Variants in KDM4D observed in about 807,000 individuals in gnomAD.
KDM4D encodes the protein lysine demethylase 4D, also known as lysine-specific demethylase 4D.
For synonymous variants in KDM4D, 254 were observed against 249.1 expected, an observed-to-expected ratio of 1.02 and a Z score of -0.19; for missense variants, 427 against 674.8, an observed-to-expected ratio of 0.63 and a Z score of 4.07.
chr11:94,975,243 G>C (rs782265281), intron 1 of KDM4D, among the ~76,000 whole-genome samples: 16 of 151,720 alleles, frequency 1.1e-4, no homozygotes, highest in Non-Finnish European at 2.2e-4. Flanking sequence ...TCCAACACTT[G>C]TGTTTGTACA....
chr11:94,993,221 T>G (rs1490948823), intron 2 of KDM4D, among the ~76,000 whole-genome samples: 1 of 152,194 alleles, frequency 6.6e-6, no homozygotes, highest in Non-Finnish European at 1.5e-5. Flanking sequence ...TTTTAAGGGA[T>G]CAAGTATTAT....
At chr11:94,981,300 C>T (rs148843167) in intron 2 of KDM4D, among the ~76,000 whole-genome samples, 67 of 152,020 alleles carry the variant, frequency 4.4e-4, no homozygotes, top group Non-Finnish European at 8.7e-4. Context: ...CATCTATGTT[C>T]ATAAGCGAGA....
intron 2 of KDM4D, among the ~76,000 whole-genome samples, chr11:94,984,622 G>A (rs587621278): frequency 2.0e-5 from 3 of 151,098 alleles, no homozygotes; most frequent in East Asian, 1.9e-4. Flanking sequence ...TTGGGAAGCC[G>A]AGGAGGGCAG....
Position 94,998,046 on chromosome 11 carries a change from G to A in KDM4D, c.674G>A (p.Arg225His), listed in dbSNP as rs782381590. 14 of 1,614,058 alleles carry A rather than the reference G, an allele frequency of 8.7e-6. No individual in the cohort carries two copies. In the East Asian group the frequency reaches 8.9e-5, roughly 10 times the overall value. Reference sequence around the variant, plus strand: ...CCAGAACATGGCCAGCGCCTGGAACGCCTGGCCAGGGAGCTCTTCCCAGGC... The same window carrying A: ...CCAGAACATGGCCAGCGCCTGGAACACCTGGCCAGGGAGCTCTTCCCAGGC... ...VPPEHGQRLE[R>H]LARELFPGSS... The change falls in exon 3 of 3, where the codon CGC becomes CAC. Residue 225 changes from arginine (R) to histidine (H), a missense_variant. By Grantham distance (29) the Arg-to-His change is conservative (BLOSUM62 0). Transcript: ENST00000335080. The surrounding 1 kb of genome is among the most constrained non-coding windows in gnomAD (Gnocchi z 6.7).
At chr11:94,974,765 A>T (rs1857781943) in intron 1 of KDM4D, among the ~76,000 whole-genome samples, 1 of 151,876 alleles carries the variant, frequency 6.6e-6, no homozygotes, top group African/African-American at 2.4e-5. Flanking sequence ...TACTTTTAAA[A>T]CTCACCCGCA....
intron 2 of KDM4D, among the ~76,000 whole-genome samples, chr11:94,993,785 G>C (rs906497415): frequency 2.0e-5 from 3 of 151,962 alleles, no homozygotes; most frequent in Admixed American, 1.3e-4. Context: ...CCCTCAGCAT[G>C]ATATTTAAGT....
intron 2 of KDM4D, among the ~76,000 whole-genome samples, chr11:94,978,444 A>G (rs1555097229): frequency 6.6e-6 from 1 of 152,178 alleles, no homozygotes; most frequent in African/African-American, 2.4e-5. Context: ...TTGACAAGTG[A>G]GAATATAAAA....
In KDM4D at chr11:94,998,751, TGA is replaced by T. The variant is rs782044020; in HGVS notation, c.1383_1384del (p.Arg461SerfsTer28). ...GGTCGTGGTCGCCCTCCTCAGAAAC[TGA>T]GAGCTCAGGAGCTGACCCTCCAGAC... is the stretch of plus-strand genomic sequence containing the variant. On this transcript the variant is annotated frameshift_variant, in exon 3 of 3. Coordinates refer to ENST00000335080, the MANE Select transcript of KDM4D (RefSeq NM_018039.3). LOFTEE classifies it low-confidence loss of function (END_TRUNC). The surrounding 1 kb of genome is among the most constrained non-coding windows in gnomAD (Gnocchi z 6.7). 1.9e-6 allele frequency: 3 copies of T among 1,613,496 alleles called. No individual in the cohort carries two copies. In the East Asian group the frequency reaches 6.7e-5, roughly 36 times the overall value.
At chr11:94,982,511 T>A (rs1041455540) in intron 2 of KDM4D, among the ~76,000 whole-genome samples, 2 of 147,222 alleles carry the variant, frequency 1.4e-5, no homozygotes, top group Non-Finnish European at 1.5e-5. Flanking sequence ...TTGCTAGAGA[T>A]CATATCTAGT....
chr11:94,988,957 GTCTAGATT>G (rs1235978969), intron 2 of KDM4D, among the ~76,000 whole-genome samples: 2 of 152,160 alleles, frequency 1.3e-5, no homozygotes, highest in East Asian at 3.8e-4. Flanking sequence ...AGACTCATCA[GTCTAGATT>G]TAAGTAAGCA....
chr11:94,993,481 T>A lies in KDM4D; in HGVS notation c.-349-3543T>A, dbSNP rs970666706. On this transcript the variant is annotated intron_variant, in intron 2 of 2. Coordinates refer to ENST00000335080, the MANE Select transcript of KDM4D (RefSeq NM_018039.3). Reference sequence around the variant, plus strand: ...CATTTGGCTAGAACACTGAAGGATCTCTCCATCATTGTACCTGGCAAATTC... The same window carrying A: ...CATTTGGCTAGAACACTGAAGGATCACTCCATCATTGTACCTGGCAAATTC... 2.0e-5 allele frequency among the ~76,000 whole-genome samples: 3 copies of A among 150,468 alleles called. No individual in the cohort carries two copies. In the East Asian group the frequency reaches 5.9e-4, roughly 30 times the overall value.
At chr11:94,976,285 C>T (rs1270431751) in intron 2 of KDM4D, among the ~76,000 whole-genome samples, 1 of 152,096 alleles carries the variant, frequency 6.6e-6, no homozygotes, top group Non-Finnish European at 1.5e-5. Context: ...ATATAATTTC[C>T]CACATTCCCC....
intron 2 of KDM4D, among the ~76,000 whole-genome samples, chr11:94,984,209 A>G (rs1426340766): frequency 6.6e-6 from 1 of 152,154 alleles, no homozygotes; most frequent in Non-Finnish European, 1.5e-5. Flanking sequence ...ATTGCAGAAA[A>G]TGAGGCCAGG....
At chr11:94,979,373 G>T (rs1295753583) in intron 2 of KDM4D, among the ~76,000 whole-genome samples, 1 of 152,060 alleles carries the variant, frequency 6.6e-6, no homozygotes, top group Non-Finnish European at 1.5e-5. Flanking sequence ...AGGATTACAG[G>T]TGCGTGCCAC....
intron 2 of KDM4D, among the ~76,000 whole-genome samples, chr11:94,978,131 C>G (rs1857814259): frequency 6.6e-6 from 1 of 152,002 alleles, no homozygotes; most frequent in Non-Finnish European, 1.5e-5. Flanking sequence ...CATCAAAATC[C>G]TAATTAAATC....
Position 94,998,293 on chromosome 11 carries a change from C to T in KDM4D, c.921C>T (p.Ala307=), listed in dbSNP as rs782456013. 6.2e-7 allele frequency: 1 copy of T among 1,614,242 alleles called. No homozygotes were observed. Among genetic ancestry groups the T allele is most frequent in the Non-Finnish European group, 8.5e-7 (1 of 1,180,046 alleles). Residue 307 remains alanine, a synonymous_variant, in exon 3 of 3, where the codon GCC becomes GCT. Coordinates refer to ENST00000335080, the MANE Select transcript of KDM4D (RefSeq NM_018039.3). The surrounding 1 kb of genome is among the most constrained non-coding windows in gnomAD (Gnocchi z 6.7). ...GATGGATTGATTATGGCAAAATGGCCTCCCAGTGTAGCTGTGGGGAGGCAA... is the reference window on the plus strand; with the variant it reads ...GATGGATTGATTATGGCAAAATGGCTTCCCAGTGTAGCTGTGGGGAGGCAA... ...TPRWIDYGKM[A]SQCSCGEARV...
chr11:94,981,927 T>G (rs1356506221), intron 2 of KDM4D, among the ~76,000 whole-genome samples: 1 of 151,306 alleles, frequency 6.6e-6, no homozygotes, highest in Non-Finnish European at 1.5e-5. Context: ...ATTTAGTTTT[T>G]TTAACCTTTT....
At chr11:94,983,742 C>T (rs1857861575) in intron 2 of KDM4D, among the ~76,000 whole-genome samples, 1 of 152,020 alleles carries the variant, frequency 6.6e-6, no homozygotes, top group African/African-American at 2.4e-5. Flanking sequence ...ACAACAACAA[C>T]TACAATAATA....
chr11:94,992,009 C>A (rs1555098749), intron 2 of KDM4D, among the ~76,000 whole-genome samples: 2 of 151,782 alleles, frequency 1.3e-5, no homozygotes, highest in Non-Finnish European at 2.9e-5. Flanking sequence ...AATACCCACA[C>A]AATAATTTCA....
Sources: allele counts gnomAD v4.1 joint callset (sites outside exome capture counted in the v4.1 genomes callset), GRCh38; gene constraint gnomAD v4.1.1; non-coding constraint Gnocchi (gnomAD v3.1); transcripts MANE v1.5; gene names NCBI Gene and HGNC (gene_info 2026-07-23, HGNC 2026-07-21).